Variants in SLC2A9 observed in about 807,000 individuals in gnomAD.
SLC2A9 encodes solute carrier family 2 member 9, also known as solute carrier family 2, facilitated glucose transporter member 9.
In SLC2A9, 39 loss-of-function variants were observed where a neutral mutation model predicts 50.6. The ratio of observed to expected loss-of-function variants is 0.77; its 90% CI spans 0.60 to 1.01. SLC2A9 has a LOEUF of 1.01. Ranked by LOEUF, SLC2A9 falls within the 50% of genes least tolerant of loss-of-function variation. SLC2A9 has a pLI of 0.00. For missense variants in SLC2A9, 686 were observed against 677.6 expected, an observed-to-expected ratio of 1.01 and a Z score of -0.14; for synonymous variants, 324 against 276.9, an observed-to-expected ratio of 1.17 and a Z score of -1.69.
At chr4:9,783,216 A>G in intron 3 of SLC2A9, 1 of 1,614,194 alleles carries the variant, frequency 6.2e-7, no homozygotes, top group Non-Finnish European at 8.5e-7. Flanking sequence ...CTCATCTCCT[A>G]CAACCAAGAC....
Position 9,996,807 on chromosome 4 carries a change from C to T in SLC2A9, c.384G>A (p.Val128=). The T allele has an allele frequency of 6.2e-7, 1 of 1,614,028 alleles. No homozygotes were observed. The highest frequency in any genetic ancestry group is 1.1e-5 in the South Asian group (1 of 91,076). Residue 128 remains valine (V), a synonymous_variant, in exon 3 of 12, where the codon GTG becomes GTA. Coordinates refer to ENST00000264784, the MANE Select transcript of SLC2A9 (RefSeq NM_020041.3). Reference sequence around the variant, plus strand: ...TCCCAAGAACCTTTCCAATCATCTTCACAATTAACGTCCCCACAAGTCCAC... The same window carrying T: ...TCCCAAGAACCTTTCCAATCATCTTTACAATTAACGTCCCCACAAGTCCAC... The part of the protein sequence containing the change: ...AIGGLVGTLI[V]KMIGKVLGRK...
chr4:9,948,049 A>G (rs1407810013), intron 5 of SLC2A9, among the ~76,000 whole-genome samples: 1 of 151,932 alleles, frequency 6.6e-6, no homozygotes, highest in Non-Finnish European at 1.5e-5. Context: ...ATTTTAGAAC[A>G]GCTGGTTGCC....
upstream of SLC2A9, among the ~76,000 whole-genome samples, chr4:10,025,320 A>G (rs1763715287): frequency 6.6e-6 from 1 of 152,204 alleles, no homozygotes; most frequent in Non-Finnish European, 1.5e-5. Flanking sequence ...CATCGCCTGT[A>G]AAATAGGGCC....
intron 3 of SLC2A9, among the ~76,000 whole-genome samples, chr4:9,994,966 G>C (rs948697025): frequency 6.6e-6 from 1 of 152,112 alleles, no homozygotes; most frequent in Non-Finnish European, 1.5e-5. Flanking sequence ...GGCCAGTGAT[G>C]CCAATCTGAG....
At chr4:10,028,355 G>A (rs1240486084) in intron 1 of SLC2A9, among the ~76,000 whole-genome samples, 2 of 152,194 alleles carry the variant, frequency 1.3e-5, no homozygotes, top group Admixed American at 1.3e-4. Flanking sequence ...AAGTGGAGCT[G>A]GATGTTCTAA....
chr4:9,965,022 A>T (rs1394374301), intron 5 of SLC2A9, among the ~76,000 whole-genome samples: 1 of 152,232 alleles, frequency 6.6e-6, no homozygotes, highest in Non-Finnish European at 1.5e-5. Context: ...ACATGACATA[A>T]ATGACGCGAT....
At chr4:9,917,460 G>C (rs1265641584) in intron 7 of SLC2A9, among the ~76,000 whole-genome samples, 2 of 150,130 alleles carry the variant, frequency 1.3e-5, no homozygotes, top group African/African-American at 2.5e-5. Flanking sequence ...AGCCTCCAGA[G>C]TAGCTGGGAC....
chr4:9,802,860 G>A (rs777092291), intron 3 of SLC2A9, among the ~76,000 whole-genome samples: 10 of 152,266 alleles, frequency 6.6e-5, no homozygotes, highest in African/African-American at 1.4e-4. Flanking sequence ...CACAGCGCCC[G>A]GCTGGGTAAA....
At chr4:9,805,833 A>C (rs1202402425) in intron 3 of SLC2A9, among the ~76,000 whole-genome samples, 1 of 152,156 alleles carries the variant, frequency 6.6e-6, no homozygotes, top group Non-Finnish European at 1.5e-5. Flanking sequence ...AGTGCTGGGC[A>C]CTGTTCTAGG....
rs1400593197 is a variant in SLC2A9, at chr4:10,018,985, G to A, written c.239C>T (p.Ala80Val). 3.9e-6 allele frequency: 6 copies of A among 1,549,840 alleles called. No homozygotes were observed. The Admixed American group carries it at 1.2e-4, about 30-fold the overall frequency. ...LYGYNLSVVN[A>V]PTPYIKAFYN... is the part of the protein sequence containing the mutation. ...TTGGCGCGCACTCACCGGGGTGGGG[G>A]CATTCACCACCGACAGGTTGTAGCC... The change falls in exon 2 of 12, where the codon GCC (alanine) becomes GTC (valine). Residue 80 changes from alanine (A) to valine (V), a missense_variant. Ala to Val is a moderately conservative substitution (Grantham distance 64, BLOSUM62 0). Transcript: ENST00000264784.
At chr4:9,821,555 G>A (rs925177600), downstream of SLC2A9, among the ~76,000 whole-genome samples, 18 of 152,120 alleles carry the variant, frequency 1.2e-4, no homozygotes, top group African/African-American at 4.1e-4. Context: ...TAGATGACAG[G>A]TTGATGGGTG....
At chr4:9,930,967 A>C (rs1745793049) in intron 6 of SLC2A9, among the ~76,000 whole-genome samples, 1 of 152,152 alleles carries the variant, frequency 6.6e-6, no homozygotes, top group Non-Finnish European at 1.5e-5. Flanking sequence ...GGCTGTGTAG[A>C]TGATTGGAAG....
intron 5 of SLC2A9, among the ~76,000 whole-genome samples, chr4:9,948,237 C>T (rs147155917): frequency 9.2e-5 from 14 of 152,286 alleles, no homozygotes; most frequent in Non-Finnish European, 1.8e-4. Flanking sequence ...ACACATCCCC[C>T]GGGTAGTGAT....
At chr4:9,945,131 AG>A (rs1472530101) in intron 5 of SLC2A9, among the ~76,000 whole-genome samples, 1 of 152,258 alleles carries the variant, frequency 6.6e-6, no homozygotes, top group Non-Finnish European at 1.5e-5. Context: ...CTTACTGAGC[AG>A]GGGCTTGCAG....
At chr4:9,961,905 G>C (rs1281218556) in intron 5 of SLC2A9, among the ~76,000 whole-genome samples, 1 of 152,144 alleles carries the variant, frequency 6.6e-6, no homozygotes, top group African/African-American at 2.4e-5. Context: ...AGTGGGCAAA[G>C]GACATGAACA....
chr4:10,004,201 A>T (rs1449807477), intron 2 of SLC2A9, among the ~76,000 whole-genome samples: 1 of 152,226 alleles, frequency 6.6e-6, no homozygotes, highest in Non-Finnish European at 1.5e-5. Flanking sequence ...ATCTCATCTC[A>T]TTCAACCCTT....
chr4:9,938,727 A>G (rs1560344231), intron 6 of SLC2A9, among the ~76,000 whole-genome samples: 5 of 152,228 alleles, frequency 3.3e-5, no homozygotes. Flanking sequence ...TATCTGTGGT[A>G]TCTTAGGCAA....
At chr4:9,998,165 C>A (rs1759065482) in intron 2 of SLC2A9, among the ~76,000 whole-genome samples, 1 of 152,192 alleles carries the variant, frequency 6.6e-6, no homozygotes, top group Admixed American at 6.5e-5. Flanking sequence ...CTGATGTACA[C>A]CAAAGACTGA....
intron 3 of SLC2A9, among the ~76,000 whole-genome samples, chr4:9,996,148 T>C (rs536994826): frequency 6.6e-6 from 1 of 152,298 alleles, no homozygotes; most frequent in East Asian, 1.9e-4. Context: ...AGTTTTTGAT[T>C]CTCACTGCTT....
Sources: allele counts gnomAD v4.1 joint callset (sites outside exome capture counted in the v4.1 genomes callset), GRCh38; gene constraint gnomAD v4.1.1; transcripts MANE v1.5; gene names NCBI Gene and HGNC (gene_info 2026-07-23, HGNC 2026-07-21).